STAG2: variants seen among roughly 807,000 people sequenced by gnomAD.
The protein encoded by STAG2 is STAG2 cohesin complex component.
In STAG2, 14 loss-of-function variants were observed where a neutral mutation model predicts 108.1. The observed-to-expected ratio is 0.13, with a 90% CI of 0.09 to 0.20. The LOEUF (loss-of-function observed/expected upper bound fraction) is 0.20, where lower values mean the gene tolerates loss of function less well. Among genes scored for constraint, STAG2 ranks in the 10% least tolerant of loss-of-function variants. The probability of loss-of-function intolerance (pLI) is 1.00; values close to 1 mark genes in which losing one functional copy is unlikely to be tolerated. For synonymous variants in STAG2, 307 were observed against 302.7 expected (o/e 1.01, Z -0.15); for missense variants, 440 against 940.9 (o/e 0.47, Z 6.96).
intron 1 of STAG2, among the ~76,000 whole-genome samples, chrX:124,000,184 T>G (rs770255241): frequency 1.8e-5 from 2 of 111,385 alleles, no homozygotes; most frequent in East Asian, 5.7e-4. Context: ...AGTCATGTCG[T>G]AGCCTTTATA....
intron 1 of STAG2, among the ~76,000 whole-genome samples, chrX:124,019,344 C>T (rs1442689272): frequency 5.4e-5 from 6 of 110,275 alleles, no homozygotes; most frequent in African/African-American, 2.0e-4. Flanking sequence ...CGTGAGCCAC[C>T]GCGCCCGGCC....
At chrX:124,028,692 A>G (rs758507635) in intron 4 of STAG2, among the ~76,000 whole-genome samples, 2 of 108,192 alleles carry the variant, frequency 1.8e-5, no homozygotes, top group East Asian at 5.8e-4. Context: ...GTACATAAAT[A>G]CCACAGGCTT....
intron 1 of STAG2, among the ~76,000 whole-genome samples, chrX:123,979,829 G>A (rs1257700358): frequency 8.9e-6 from 1 of 111,793 alleles, no homozygotes; most frequent in Non-Finnish European, 1.9e-5. Context: ...AGAGCTTGAT[G>A]TGAAGCAGAG....
chrX:124,052,407 T>C (rs769028529), intron 13 of STAG2, among the ~76,000 whole-genome samples: 11 of 112,303 alleles, frequency 9.8e-5, no homozygotes, highest in Non-Finnish European at 1.7e-4. Flanking sequence ...ATTCTAGATA[T>C]TTCGTATAAG....
chrX:123,975,068 A>T (rs2054557556), intron 1 of STAG2, among the ~76,000 whole-genome samples: 1 of 111,481 alleles, frequency 9.0e-6, no homozygotes. Context: ...ACTGCCTTGT[A>T]CCTAATTTGC....
At position 123,971,228 on chromosome X, in the gene STAG2, G is replaced by C. The variant is rs779532110; in HGVS notation, c.-163+9372G>C. On this transcript the variant is annotated intron_variant, in intron 1 of 34. Transcript: ENST00000371145. ...GTGGACCACCTGAGGTCAGGAGTTC[G>C]AGCCAGCCTGGCCAATATGGTGAAA... 2.7e-5 allele frequency among the ~76,000 whole-genome samples: 3 copies of C among 111,443 alleles called. No individual in the cohort carries two copies. The East Asian group carries it at 8.5e-4, about 31-fold the overall frequency.
chrX:123,998,412 C>T (rs1224114880), intron 1 of STAG2, among the ~76,000 whole-genome samples: 54 of 106,326 alleles, frequency 5.1e-4, no homozygotes, highest in African/African-American at 1.7e-3. Flanking sequence ...CTCAAGTAAT[C>T]CACCCGTCTT....
intron 30 of STAG2, among the ~76,000 whole-genome samples, chrX:124,090,285 T>G (rs1422458002): frequency 1.8e-5 from 2 of 110,012 alleles, no homozygotes; most frequent in Non-Finnish European, 3.8e-5. Flanking sequence ...CTACTCTAGT[T>G]AGAAGTTGCT....
At chrX:124,074,256 T>C (rs1398678280) in intron 25 of STAG2, among the ~76,000 whole-genome samples, 2 of 112,548 alleles carry the variant, frequency 1.8e-5, no homozygotes, top group African/African-American at 6.5e-5. Context: ...TTTTTTTCAG[T>C]GTTGACATGT....
chrX:124,081,068 GT>G (rs1346177500), intron 27 of STAG2, among the ~76,000 whole-genome samples: 1 of 94,741 alleles, frequency 1.1e-5, no homozygotes, highest in Non-Finnish European at 2.1e-5. Flanking sequence ...ACAGAGCATG[GT>G]TGCCTAATAA....
intron 27 of STAG2, among the ~76,000 whole-genome samples, chrX:124,079,285 C>T (rs925638868): frequency 3.6e-4 from 39 of 108,990 alleles, no homozygotes; most frequent in African/African-American, 1.3e-3. Context: ...ACTACAGGCA[C>T]CCGCCACCAC....
intron 1 of STAG2, among the ~76,000 whole-genome samples, chrX:123,985,751 T>TA (rs1436284853): frequency 6.5e-5 from 7 of 108,011 alleles, no homozygotes; most frequent in African/African-American, 2.4e-4. Flanking sequence ...TTTTTTTTTT[T>TA]ATTTTCGGTA....
intron 1 of STAG2, among the ~76,000 whole-genome samples, chrX:123,980,294 A>G (rs966560475): frequency 2.7e-5 from 3 of 111,041 alleles, no homozygotes; most frequent in African/African-American, 9.8e-5. Context: ...GGTACTTAGA[A>G]TTAAAGAGCC....
rs529857340 is a variant in STAG2 at position 124,056,797 on chromosome X, T to C, written c.1304+562T>C. Among the ~76,000 whole-genome samples, 94 of 104,480 alleles carry C rather than the reference T, an allele frequency of 9.0e-4. No individual in the cohort carries two copies. In the South Asian group the frequency reaches 0.04, roughly 44 times the overall value. 90.7% of individuals were successfully genotyped at this position (104,480 alleles called of 115,157 possible). A position where few individuals can be genotyped will look rare whatever the true frequency, so the allele number is the denominator to read the frequency against. On this transcript the variant is annotated intron_variant, in intron 14 of 34. Transcript: ENST00000371145. ...CTTTCAGTAAACATGCTTAGAAAGA[T>C]ACCTAACTATATTATAATATTAAGA...
chrX:124,022,634 G>A lies in STAG2; in HGVS notation c.7G>A (p.Ala3Thr). Residue 3 changes from alanine to threonine, a missense_variant, in exon 3 of 35, where the codon GCA becomes ACA. This residue lies in a region of STAG2 where 34 missense variants were observed against 36.7 expected (regional missense o/e 0.93). Transcript: ENST00000371145. Reference sequence around the variant, plus strand: ...TCCAGAAGATGATAAAGAAATGATAGCAGCTCCAGAAATACCAACTGATTT... The same window carrying A: ...TCCAGAAGATGATAAAGAAATGATAACAGCTCCAGAAATACCAACTGATTT... Reference protein sequence around the residue: MIAAPEIPTDFNL... With the variant: MITAPEIPTDFNL... 1.7e-6 allele frequency: 2 copies of A among 1,171,920 alleles called. No homozygotes were observed. The highest frequency in any genetic ancestry group is 2.6e-5 in the Admixed American group (1 of 38,475).
chrX:124,041,218 ATT>A (rs201660600), intron 6 of STAG2, among the ~76,000 whole-genome samples: 19 of 97,211 alleles, frequency 2.0e-4, no homozygotes, highest in East Asian at 3.2e-4. Flanking sequence ...TAAAACAATC[ATT>A]TTTTTTTTTT....
At chrX:124,055,721 A>G (rs181689729) in intron 13 of STAG2, among the ~76,000 whole-genome samples, 15 of 111,953 alleles carry the variant, frequency 1.3e-4, no homozygotes, top group Admixed American at 1.1e-3. Context: ...TAAATGGGCC[A>G]TTAGTATATT....
chrX:123,991,879 G>C (rs1014074762), intron 1 of STAG2, among the ~76,000 whole-genome samples: 1 of 112,049 alleles, frequency 8.9e-6, no homozygotes, highest in Non-Finnish European at 1.9e-5. Context: ...GGTCAGGCTG[G>C]TCTCGAACTC....
At chrX:123,985,318 G>A (rs775767252) in intron 1 of STAG2, among the ~76,000 whole-genome samples, 1 of 110,688 alleles carries the variant, frequency 9.0e-6, no homozygotes, top group South Asian at 3.8e-4. Context: ...TAGCCTTGGC[G>A]TCCTGTGCCC....
Sources: allele counts gnomAD v4.1 joint callset (sites outside exome capture counted in the v4.1 genomes callset), GRCh38; gene constraint gnomAD v4.1.1; regional missense constraint gnomAD v4.1.1; transcripts MANE v1.5; gene names NCBI Gene and HGNC (gene_info 2026-07-23, HGNC 2026-07-21).